The following SLC37A3 variants were observed in gnomAD, a reference collection of about 807,000 sequenced individuals.
The protein encoded by SLC37A3 is sugar phosphate exchanger 3.
In SLC37A3, 51 loss-of-function variants were observed where a neutral mutation model predicts 67.1. The ratio of observed to expected loss-of-function variants is 0.76; its 90% CI spans 0.61 to 0.96. The LOEUF (loss-of-function observed/expected upper bound fraction) is 0.96, where lower values mean the gene tolerates loss of function less well. Ranked by LOEUF, SLC37A3 falls within the 40% of genes least tolerant of loss-of-function variation. The pLI is 0.00. For synonymous variants in SLC37A3, 214 were observed against 231.4 expected, an observed-to-expected ratio of 0.92 and a Z score of 0.68; for missense variants, 508 against 603.0, an observed-to-expected ratio of 0.84 and a Z score of 1.65.
At chr7:140,343,629 C>T (rs1312977354) in intron 12 of SLC37A3, 66 bp from the exon 13 acceptor site, 1 of 1,502,152 alleles carries the variant, frequency 6.7e-7, no homozygotes, top group Non-Finnish European at 9.1e-7. Context: ...CTGCATAAGG[C>T]AAAATAATAT....
intron 5 of SLC37A3, among the ~76,000 whole-genome samples, chr7:140,363,955 T>TA (rs1797490652): frequency 6.6e-6 from 1 of 152,134 alleles, no homozygotes; most frequent in Non-Finnish European, 1.5e-5. Context: ...ATTAGAATCT[T>TA]ACTTTAAAAA....
chr7:140,352,308 CAA>C, intron 7 of SLC37A3, 162 bp from the exon 8 acceptor site: 3 of 626,024 alleles, frequency 4.8e-6, no homozygotes, highest in Non-Finnish European at 8.4e-6. Flanking sequence ...GGGCGCCATG[CAA>C]AGTGTTCTAC....
chr7:140,353,310 C>T (rs1241883335), intron 7 of SLC37A3, among the ~76,000 whole-genome samples: 1 of 151,784 alleles, frequency 6.6e-6, no homozygotes, highest in South Asian at 2.1e-4. Context: ...TGGTGAAACC[C>T]CATCTCTACT....
chr7:140,340,057 C>T (rs78043720), intron 13 of SLC37A3, among the ~76,000 whole-genome samples: 7,688 of 152,202 alleles, frequency 0.051, 213 homozygotes, highest in Non-Finnish European at 0.071. Flanking sequence ...TTTTTAATTA[C>T]AGCCATCGTA....
At chr7:140,383,147 T>C (rs1042843758) in intron 1 of SLC37A3, among the ~76,000 whole-genome samples, 1 of 151,856 alleles carries the variant, frequency 6.6e-6, no homozygotes, top group African/African-American at 2.4e-5. Context: ...GCTCTCTCTA[T>C]GCAGTAGCTG....
intron 14 of SLC37A3, among the ~76,000 whole-genome samples, chr7:140,335,745 G>A (rs946934226): frequency 1.4e-4 from 22 of 152,172 alleles, no homozygotes; most frequent in African/African-American, 5.1e-4. Flanking sequence ...TGCCATAGGC[G>A]GAGCAGAGAA....
chr7:140,364,974 C>T (rs189838493), intron 4 of SLC37A3, among the ~76,000 whole-genome samples: 3 of 152,326 alleles, frequency 2.0e-5, no homozygotes, highest in Non-Finnish European at 4.4e-5. Flanking sequence ...TGTTACCACA[C>T]GCCCTGCAGT....
chr7:140,374,779 GC>G (rs1340704275), intron 3 of SLC37A3, among the ~76,000 whole-genome samples: 1 of 151,912 alleles, frequency 6.6e-6, no homozygotes, highest in Admixed American at 6.6e-5. Flanking sequence ...GATGGCTTGA[GC>G]CCAGGACTTC....
intron 4 of SLC37A3, among the ~76,000 whole-genome samples, chr7:140,366,599 C>T (rs946019871): frequency 3.3e-5 from 5 of 152,150 alleles, no homozygotes; most frequent in Admixed American, 2.0e-4. Context: ...TTAAATTCTA[C>T]TTCGCAACCA....
chr7:140,352,186 G>A lies in SLC37A3; in HGVS notation c.619-40C>T, dbSNP rs747341999. On this transcript the variant is annotated intron_variant, in intron 7 of 14. Coordinates refer to ENST00000326232, the MANE Select transcript of SLC37A3 (RefSeq NM_207113.3). ...TGAAAGGTGGTCCTTACATATCTGGGGACAGTCATCACAAGCACATTCATT... is the reference window on the plus strand; with the variant it reads ...TGAAAGGTGGTCCTTACATATCTGGAGACAGTCATCACAAGCACATTCATT... 11 of 1,376,104 alleles carry A rather than the reference G, an allele frequency of 8.0e-6. No homozygotes were observed. The East Asian group carries it at 2.1e-4, about 26-fold the overall frequency. The allele number at this position is 1,376,104 out of a possible 1,614,324, so 85.2% of individuals were successfully genotyped here. A position where few individuals can be genotyped will look rare whatever the true frequency, so the allele number is the denominator to read the frequency against.
intron 2 of SLC37A3, 144 bp downstream of exon 2, chr7:140,382,294 T>A: frequency 1.5e-6 from 1 of 687,846 alleles, no homozygotes; most frequent in South Asian, 2.1e-5. Context: ...AGAACTACGA[T>A]ATTACAGCTA....
At chr7:140,357,374 A>C (rs779466058) in intron 6 of SLC37A3, among the ~76,000 whole-genome samples, 5 of 152,136 alleles carry the variant, frequency 3.3e-5, no homozygotes, top group Non-Finnish European at 7.3e-5. Flanking sequence ...ACTGAAAACA[A>C]CCCAAATGTT....
rs538025793 is a variant in SLC37A3, at chr7:140,345,874, T to C, written c.1121A>G (p.Tyr374Cys). Residue 374 changes from tyrosine to cysteine, a missense_variant, in exon 11 of 15, where the codon TAT becomes TGT. Physicochemically the swap from Tyr to Cys is radical, Grantham distance 194. Coordinates refer to ENST00000326232, the MANE Select transcript of SLC37A3 (RefSeq NM_207113.3). The part of the protein sequence containing the change: ...LLLAVGSLIG[Y>C]SRSPNDKSIN... ...AATTGCAAAAGAATACTCACGACTA[T>C]ACCCGATGAGGGACCCAACTGCCAG... The C allele has an allele frequency of 6.2e-7, 1 of 1,611,832 alleles. No homozygotes were observed. Among genetic ancestry groups the C allele is most frequent in the Admixed American group, 1.7e-5 (1 of 60,008 alleles).
chr7:140,369,534 G>A, intron 4 of SLC37A3, 56 bp downstream of exon 4: 1 of 1,454,680 alleles, frequency 6.9e-7, no homozygotes, highest in Non-Finnish European at 9.6e-7. Context: ...TAAGGCTCAG[G>A]GTCATTTATA....
At chr7:140,343,670 AGTGG>A in intron 12 of SLC37A3, 107 bp from the exon 13 acceptor site, 6 of 1,237,936 alleles carry the variant, frequency 4.8e-6, no homozygotes, top group Admixed American at 5.3e-5. Context: ...GTTGGAGAGA[AGTGG>A]AAAAAAAAGG....
rs563142118 is a variant in SLC37A3 at position 140,337,658 on chromosome 7, T to A, written c.1327-309A>T. ...CCACTCCCATTTAATCATTCTTTCT[T>A]CCAATGAAAGGTACTATAATTGATG... On this transcript the variant is annotated intron_variant, in intron 13 of 14. Coordinates refer to ENST00000326232, the MANE Select transcript of SLC37A3 (RefSeq NM_207113.3). 3.5e-4 allele frequency: 75 copies of A among 214,414 alleles called. 1 individual carries two copies. The South Asian group carries it at 8.1e-3, about 23-fold the overall frequency. The allele number at this position is 214,414 out of a possible 1,614,324, so 13.3% of individuals were successfully genotyped here. A position where few individuals can be genotyped will look rare whatever the true frequency, so the allele number is the denominator to read the frequency against.
At chr7:140,341,964 G>C (rs1254846555) in intron 13 of SLC37A3, among the ~76,000 whole-genome samples, 1 of 152,120 alleles carries the variant, frequency 6.6e-6, no homozygotes, top group African/African-American at 2.4e-5. Flanking sequence ...CTTTGCTAAG[G>C]TTTTTGTTTC....
At chr7:140,391,333 T>G (rs769221850) in intron 1 of SLC37A3, among the ~76,000 whole-genome samples, 4 of 152,174 alleles carry the variant, frequency 2.6e-5, no homozygotes, top group Non-Finnish European at 5.9e-5. Context: ...GGCAGGAAGA[T>G]CACTTGAGAT....
rs118178470 is a variant in SLC37A3, at chr7:140,392,216, G to A, written c.-71+6200C>T. On this transcript the variant is annotated intron_variant, in intron 1 of 14. Coordinates refer to ENST00000326232, the MANE Select transcript of SLC37A3 (RefSeq NM_207113.3). ...ACTCCAGTGGGACTGAAAGGTGTCC[G>A]TGTAACCTCCACCAGCCCAGATAGT... Among the ~76,000 whole-genome samples the A allele has an allele frequency of 5.2e-3, 794 of 151,974 alleles. 3 individuals carry two copies. Among genetic ancestry groups the A allele is most frequent in the Non-Finnish European group, 7.5e-3 (510 of 67,980 alleles).
Sources: allele counts gnomAD v4.1 joint callset (sites outside exome capture counted in the v4.1 genomes callset), GRCh38; gene constraint gnomAD v4.1.1; transcripts MANE v1.5; gene names NCBI Gene and HGNC (gene_info 2026-07-23, HGNC 2026-07-21).